The following CCR9 variants were observed in gnomAD, a reference collection of about 807,000 sequenced individuals.
The protein encoded by CCR9 is C-C chemokine receptor type 9.
A neutral mutation model predicts 8.7 loss-of-function variants in CCR9; 4 were observed. The ratio of observed to expected loss-of-function variants is 0.46; its 90% CI spans 0.23 to 1.06. The LOEUF is 1.06. CCR9 is among the 50% of genes least tolerant of loss of function. The pLI, the probability that CCR9 is intolerant of heterozygous loss-of-function variation, is 0.21. For missense variants in CCR9, 394 were observed against 453.6 expected (o/e 0.87, Z 1.19); for synonymous variants, 159 against 168.8 (o/e 0.94, Z 0.45).
intron 2 of CCR9, among the ~76,000 whole-genome samples, chr3:45,895,993 G>T (rs1160075132): frequency 1.3e-5 from 2 of 152,182 alleles, no homozygotes; most frequent in Non-Finnish European, 2.9e-5. Context: ...GAGAGTGGTG[G>T]TTGAAACAGT....
intron 1 of CCR9, among the ~76,000 whole-genome samples, chr3:45,890,308 T>TATATATTTATATAAATATATAACATAA (rs1702123455): frequency 1.3e-5 from 1 of 77,364 alleles, no homozygotes; most frequent in African/African-American, 1.4e-4. Context: ...ATATAACATA[T>TATATATTTATATAAATATATAACATAA]ATATATATTT....
intron 1 of CCR9, among the ~76,000 whole-genome samples, chr3:45,888,272 G>A (rs943746308): frequency 1.3e-5 from 2 of 152,066 alleles, no homozygotes; most frequent in South Asian, 2.1e-4. Context: ...CCCTCCCCTC[G>A]TTGCATGTCT....
In CCR9 at chr3:45,891,709, C is replaced by T. The variant is rs181473501; in HGVS notation, c.-28-3197C>T. Among the ~76,000 whole-genome samples the T allele has an allele frequency of 7.2e-5, 11 of 152,170 alleles. No individual in the cohort carries two copies. In the East Asian group the frequency reaches 1.5e-3, roughly 21 times the overall value. On this transcript the variant is annotated intron_variant, in intron 1 of 2. Transcript: ENST00000357632. ...TCACAATTATTTTTTTTCCCCACTC[C>T]AGGACCAAATCCAGGTTCTTGCCTT...
rs200934415 is a variant in CCR9 at position 45,894,951 on chromosome 3, C to T, written c.18C>T (p.Phe6=). The T allele has an allele frequency of 8.7e-6, 14 of 1,614,056 alleles. No individual in the cohort carries two copies. In the African/African-American group the frequency reaches 1.9e-4, roughly 22 times the overall value. The change falls in exon 2 of 3, where the codon TTC becomes TTT. Residue 6 remains phenylalanine, a synonymous_variant. Transcript: ENST00000357632. MTPTD[F]TSPIPNMADD... ...GACCCACCATGACACCCACAGACTT[C>T]ACAGTGAGTACAGCCGTGCTCCTCT...
chr3:45,894,377 C>T (rs916087323), intron 1 of CCR9, among the ~76,000 whole-genome samples: 2 of 152,224 alleles, frequency 1.3e-5, no homozygotes, highest in Admixed American at 6.5e-5. Flanking sequence ...TCATGTTCTT[C>T]TTGCCACCTG....
chr3:45,901,750 G>T lies in CCR9; in HGVS notation c.962G>T (p.Gly321Val), dbSNP rs762710167. 11 of 1,614,168 alleles carry T rather than the reference G, an allele frequency of 6.8e-6. No homozygotes were observed. The Admixed American group carries it at 1.8e-4, about 27-fold the overall frequency. ...CLNPVLYVFV[G>V]ERFRRDLVKT... ...AACCCTGTTCTCTATGTTTTTGTGG[G>T]TGAGAGATTCCGCCGGGATCTCGTG... Residue 321 changes from glycine to valine, a missense_variant, in exon 3 of 3, where the codon GGT becomes GTT. Gly to Val is a moderately radical substitution (Grantham distance 109). Coordinates refer to ENST00000357632, the MANE Select transcript of CCR9 (RefSeq NM_031200.3). The surrounding 1 kb of genome is among the most constrained non-coding windows in gnomAD (Gnocchi z 4.3).
chr3:45,899,919 G>A (rs776578878), intron 2 of CCR9, among the ~76,000 whole-genome samples: 2 of 152,120 alleles, frequency 1.3e-5, no homozygotes, highest in Non-Finnish European at 2.9e-5. Context: ...TGTAAGAAGT[G>A]TGTGTGTGTA....
chr3:45,889,301 CT>C (rs1428595548), intron 1 of CCR9, among the ~76,000 whole-genome samples: 17 of 148,794 alleles, frequency 1.1e-4, no homozygotes, highest in Non-Finnish European at 1.8e-4. Flanking sequence ...TATATATTAC[CT>C]TTAAAAAAAA....
Position 45,894,926 on chromosome 3 carries a change from G to C in CCR9, c.-8G>C. On this transcript the variant is annotated 5_prime_UTR_variant, in exon 2 of 3. Transcript: ENST00000357632. ...TCCAGGAGCAGGCTTGCATCTGACT[G>C]ACCCACCATGACACCCACAGACTTC... 6.2e-7 allele frequency: 1 copy of C among 1,613,982 alleles called. No individual in the cohort carries two copies. Among genetic ancestry groups the C allele is most frequent in the Non-Finnish European group, 8.5e-7 (1 of 1,179,922 alleles).
intron 1 of CCR9, among the ~76,000 whole-genome samples, chr3:45,893,189 C>T (rs1458535348): frequency 6.6e-6 from 1 of 150,930 alleles, no homozygotes. Context: ...GAGTCTTGCT[C>T]TGTCACCCAG....
rs199541347 is a variant in CCR9 at position 45,901,212 on chromosome 3, G to A, written c.424G>A (p.Val142Met). Residue 142 changes from valine to methionine, a missense_variant, in exon 3 of 3, where the codon GTG (valine) becomes ATG (methionine). Transcript: ENST00000357632. The surrounding 1 kb of genome is among the most constrained non-coding windows in gnomAD (Gnocchi z 4.3). ...TGTGTTGCTGATCATGTGCATCAGCGTGGACAGGTACATTGCCATTGCCCA... is the reference window on the plus strand; with the variant it reads ...TGTGTTGCTGATCATGTGCATCAGCATGGACAGGTACATTGCCATTGCCCA... ...SCVLLIMCISVDRYIAIAQAM... is the reference protein window; with the variant it reads ...SCVLLIMCISMDRYIAIAQAM... The A allele has an allele frequency of 1.6e-4, 251 of 1,614,096 alleles. 2 individuals are homozygous for A. The highest frequency in any genetic ancestry group is 1.4e-3 in the South Asian group (127 of 91,076).
intron 1 of CCR9, among the ~76,000 whole-genome samples, chr3:45,892,789 T>C (rs752402063): frequency 1.2e-4 from 18 of 152,096 alleles, no homozygotes; most frequent in Non-Finnish European, 1.9e-4. Context: ...TCTCTCAAGT[T>C]GGCTACAACA....
intron 2 of CCR9, chr3:45,897,422 G>A: frequency 3.0e-6 from 2 of 668,046 alleles, no homozygotes; most frequent in Admixed American, 2.2e-5. Flanking sequence ...TGCCCCCTGG[G>A]CTTCCAGCAG....
At chr3:45,896,958 C>A (rs539775571) in intron 2 of CCR9, among the ~76,000 whole-genome samples, 1 of 152,320 alleles carries the variant, frequency 6.6e-6, no homozygotes, top group South Asian at 2.1e-4. Flanking sequence ...GAGAAGGAGG[C>A]CCTGGAAAGC....
rs1326231206 is a variant in CCR9, at chr3:45,901,320, G to A, written c.532G>A (p.Ala178Thr). Reference sequence around the variant, plus strand: ...CTTTACCATCTGGGTATTGGCAGCTGCTCTCTGCATCCCAGAAATCTTATA... The same window carrying A: ...CTTTACCATCTGGGTATTGGCAGCTACTCTCTGCATCCCAGAAATCTTATA... The part of the protein sequence containing the change: ...VCFTIWVLAA[A>T]LCIPEILYSQ... Residue 178 changes from alanine to threonine, a missense_variant, in exon 3 of 3, where the codon GCT becomes ACT. By Grantham distance (58) the Ala-to-Thr change is moderately conservative. Transcript: ENST00000357632. This position sits in a 1 kb window ranked among gnomAD's most constrained non-coding sequence, Gnocchi z 4.3. 5 of 1,614,060 alleles carry A rather than the reference G, an allele frequency of 3.1e-6. No homozygotes were observed. The highest frequency in any genetic ancestry group is 1.3e-5 in the African/African-American group (1 of 74,924).
chr3:45,894,904 A>AGGAGC lies in CCR9; in HGVS notation c.-28-1_-25dup. The AGGAGC allele has an allele frequency of 6.2e-7, 1 of 1,613,234 alleles. No individual in the cohort carries two copies. Among genetic ancestry groups the AGGAGC allele is most frequent in the Non-Finnish European group, 8.5e-7 (1 of 1,179,208 alleles). On this transcript the variant is annotated splice_acceptor_variant, in intron 1 of 2. Coordinates refer to ENST00000357632, the MANE Select transcript of CCR9 (RefSeq NM_031200.3). LOFTEE classifies it low-confidence loss of function (5UTR_SPLICE). ...ACTTTTTGATTTTTGTCCCTTTTCCAGGAGCAGGCTTGCATCTGACTGACC... is the reference window on the plus strand; with the variant it reads ...ACTTTTTGATTTTTGTCCCTTTTCCAGGAGCGGAGCAGGCTTGCATCTGACTGACC...
intron 1 of CCR9, among the ~76,000 whole-genome samples, chr3:45,887,582 G>A (rs1043225842): frequency 1.3e-5 from 2 of 152,198 alleles, no homozygotes; most frequent in Non-Finnish European, 2.9e-5. Context: ...GTGCTGAACC[G>A]GAAGGGCTGT....
intron 2 of CCR9, among the ~76,000 whole-genome samples, chr3:45,896,051 A>G (rs1283990648): frequency 1.3e-5 from 2 of 152,250 alleles, no homozygotes; most frequent in Admixed American, 1.3e-4. Context: ...TTAGTATTAC[A>G]TATGTATAGT....
rs1394427516 is a variant in CCR9, at chr3:45,900,570, AT to A, written c.22-237del. 1.3e-5 allele frequency among the ~76,000 whole-genome samples: 2 copies of A among 152,172 alleles called. No homozygotes were observed. Among genetic ancestry groups the A allele is most frequent in the Non-Finnish European group, 2.9e-5 (2 of 68,028 alleles). On this transcript the variant is annotated intron_variant, in intron 2 of 2. Coordinates refer to ENST00000357632, the MANE Select transcript of CCR9 (RefSeq NM_031200.3). The surrounding 1 kb of genome is among the most constrained non-coding windows in gnomAD (Gnocchi z 4.7). ...GAGAGTGAAGCCACACATCTGACTT[AT>A]TTATTATGGTTTCTTTGGCACATAG...
Sources: allele counts gnomAD v4.1 joint callset (sites outside exome capture counted in the v4.1 genomes callset), GRCh38; gene constraint gnomAD v4.1.1; non-coding constraint Gnocchi (gnomAD v3.1); transcripts MANE v1.5; gene names NCBI Gene and HGNC (gene_info 2026-07-23, HGNC 2026-07-21).